Variants in CCDC39 observed in about 807,000 individuals in gnomAD.
The protein encoded by CCDC39 is coiled-coil domain-containing protein 39.
A neutral mutation model predicts 121.0 loss-of-function variants in CCDC39; 113 were observed. The observed-to-expected ratio is 0.93, with a 90% CI of 0.80 to 1.09. The LOEUF (loss-of-function observed/expected upper bound fraction) is 1.09. Among genes scored for constraint, CCDC39 ranks in the 50% least tolerant of loss-of-function variants. The pLI, the probability that CCDC39 is intolerant of heterozygous loss-of-function variation, is 0.00. For synonymous variants in CCDC39, 349 were observed against 352.2 expected (o/e 0.99, Z 0.10); for missense variants, 1,063 against 1,074.7 (o/e 0.99, Z 0.15).
At chr3:180,647,373 T>C in intron 10 of CCDC39, 130 bp from the exon 11 acceptor site, 1 of 719,088 alleles carries the variant, frequency 1.4e-6, no homozygotes, top group Non-Finnish European at 2.2e-6. Flanking sequence ...ACTTTAGTCT[T>C]TCAGTAATTC....
At chr3:180,654,666 G>T in intron 7 of CCDC39, 96 bp downstream of exon 7, 56 of 557,478 alleles carry the variant, frequency 1.0e-4, no homozygotes, top group Non-Finnish European at 1.2e-4. Context: ...AAAACTAGAA[G>T]TAGTTTCTTT....
chr3:180,632,792 G>GA (rs1717731293), intron 13 of CCDC39, among the ~76,000 whole-genome samples: 3 of 152,046 alleles, frequency 2.0e-5, no homozygotes, highest in Admixed American at 1.3e-4. Context: ...AAAGAAGTCT[G>GA]AAAAAAATCC....
chr3:180,625,076 A>G (rs1717526295), intron 14 of CCDC39, among the ~76,000 whole-genome samples: 1 of 152,070 alleles, frequency 6.6e-6, no homozygotes, highest in East Asian at 1.9e-4. Flanking sequence ...CTCTCTTACT[A>G]GACTTGAGAT....
At chr3:180,657,644 G>T (rs1013829767) in intron 6 of CCDC39, among the ~76,000 whole-genome samples, 3 of 152,160 alleles carry the variant, frequency 2.0e-5, no homozygotes, top group Admixed American at 6.5e-5. Context: ...TAATGCCTCA[G>T]CAGATACTAT....
At position 180,614,702 on chromosome 3, in the gene CCDC39, ATAAC is replaced by A; in HGVS notation, c.*215_*218del. On this transcript the variant is annotated 3_prime_UTR_variant, in exon 20 of 20. Transcript: ENST00000476379. ...AATACAGCATTTTTCCTATGCTTGT[ATAAC>A]ATGTAGCCTTGTCAAGAATCTGCTA... 9.1e-6 allele frequency: 4 copies of A among 438,964 alleles called. No individual in the cohort carries two copies. Among genetic ancestry groups the A allele is most frequent in the Non-Finnish European group, 1.6e-5 (4 of 250,632 alleles). The allele number at this position is 438,964 out of a possible 1,614,324, so 27.2% of individuals were successfully genotyped here.
At chr3:180,644,806 C>A (rs1365379799) in intron 11 of CCDC39, among the ~76,000 whole-genome samples, 1 of 152,066 alleles carries the variant, frequency 6.6e-6, no homozygotes, top group African/African-American at 2.4e-5. Flanking sequence ...ACCCATTTTT[C>A]TGAGTATTTT....
In CCDC39 at chr3:180,659,784, T is replaced by C; in HGVS notation, c.517-15A>G. The C allele has an allele frequency of 6.6e-7, 1 of 1,516,048 alleles. No individual in the cohort carries two copies. The highest frequency in any genetic ancestry group is 9.1e-7 in the Non-Finnish European group (1 of 1,098,968). The allele number at this position is 1,516,048 out of a possible 1,614,324, so 93.9% of individuals were successfully genotyped here. On this transcript the variant is annotated splice_polypyrimidine_tract_variant and intron_variant, in intron 4 of 19. Transcript: ENST00000476379. ...AGAGTCAGTGCCTATGATGTAATTATATACAGATACTTATAATTCTCATTC... is the reference window on the plus strand; with the variant it reads ...AGAGTCAGTGCCTATGATGTAATTACATACAGATACTTATAATTCTCATTC...
At chr3:180,677,736 CTT>C (rs1712276592) in intron 1 of CCDC39, among the ~76,000 whole-genome samples, 1 of 152,100 alleles carries the variant, frequency 6.6e-6, no homozygotes, top group African/African-American at 2.4e-5. Context: ...TCATTTTTCT[CTT>C]CTTTCTGTAT....
At position 180,626,757 on chromosome 3, in the gene CCDC39, C is replaced by G. The variant is rs911858179; in HGVS notation, c.1998+4712G>C. Among the ~76,000 whole-genome samples, 9 of 152,102 alleles carry G rather than the reference C, an allele frequency of 5.9e-5. No homozygotes were observed. The South Asian group carries it at 8.3e-4, about 14-fold the overall frequency. On this transcript the variant is annotated intron_variant, in intron 14 of 19. Transcript: ENST00000476379. ...AACAAGTTGTGAGGAGTGCAGTCTT[C>G]TCACACCTCCGTCTCACAACAGCCA...
At chr3:180,638,797 A>G (rs1019203634) in intron 13 of CCDC39, among the ~76,000 whole-genome samples, 5 of 152,124 alleles carry the variant, frequency 3.3e-5, no homozygotes, top group African/African-American at 1.2e-4. Flanking sequence ...TAAAATTAGA[A>G]TGTATACCTT....
At chr3:180,637,757 A>C (rs1194818307) in intron 13 of CCDC39, among the ~76,000 whole-genome samples, 1 of 152,134 alleles carries the variant, frequency 6.6e-6, no homozygotes, top group Non-Finnish European at 1.5e-5. Flanking sequence ...CATAAAAAAG[A>C]ATAAGATCTT....
intron 2 of CCDC39, among the ~76,000 whole-genome samples, chr3:180,662,459 C>T (rs1342755067): frequency 6.6e-6 from 1 of 152,040 alleles, no homozygotes; most frequent in African/African-American, 2.4e-5. Context: ...AATATATTAG[C>T]ATATAATCAC....
In CCDC39 at chr3:180,619,939, TC is replaced by T; in HGVS notation, c.2029del (p.Glu677LysfsTer19). ...AAQEKEELQR[E>X]GDCLDAKINK... ...GATCTTGGCATCCAAACAGTCACCT[TC>T]CCTTTGAAGTTCTTCTTTTTCTTGA... On this transcript the variant is annotated frameshift_variant, in exon 15 of 20. Coordinates refer to ENST00000476379, the MANE Select transcript of CCDC39 (RefSeq NM_181426.2). LOFTEE classifies it high-confidence loss of function. 6.2e-7 allele frequency: 1 copy of T among 1,608,732 alleles called. No individual in the cohort carries two copies. Among genetic ancestry groups the T allele is most frequent in the Non-Finnish European group, 8.5e-7 (1 of 1,177,352 alleles).
intron 4 of CCDC39, 69 bp downstream of exon 4, chr3:180,660,501 T>A: frequency 7.5e-7 from 1 of 1,331,698 alleles, no homozygotes; most frequent in Non-Finnish European, 1.0e-6. Context: ...TAAGTATAAC[T>A]TTAGGTAAAT....
chr3:180,619,265 GTCT>G lies in CCDC39; in HGVS notation c.2256_2258del (p.Glu752del). On this transcript the variant is annotated inframe_deletion, in exon 16 of 20. Coordinates refer to ENST00000476379, the MANE Select transcript of CCDC39 (RefSeq NM_181426.2). ...AAATGCCTGTAGAATTTACCTGGAT[GTCT>G]TCTTGAAGTTCTCTGATTTGTCTTT... The G allele has an allele frequency of 2.0e-6, 3 of 1,501,610 alleles. No homozygotes were observed. The highest frequency in any genetic ancestry group is 2.7e-6 in the Non-Finnish European group (3 of 1,102,388). 93.0% of individuals were successfully genotyped at this position (1,501,610 alleles called of 1,614,324 possible).
intron 13 of CCDC39, among the ~76,000 whole-genome samples, chr3:180,633,833 A>C (rs1576938240): frequency 6.6e-6 from 1 of 152,032 alleles, no homozygotes; most frequent in East Asian, 1.9e-4. Context: ...CTATCCCCTG[A>C]CTCTTCACCA....
chr3:180,661,221 G>C (rs1361094138), intron 3 of CCDC39, among the ~76,000 whole-genome samples: 3 of 151,712 alleles, frequency 2.0e-5, no homozygotes, highest in Non-Finnish European at 2.9e-5. Flanking sequence ...TAGTAAAAGA[G>C]ATAAAAACAT....
chr3:180,650,032 A>G (rs1439124675), intron 9 of CCDC39, among the ~76,000 whole-genome samples: 2 of 152,258 alleles, frequency 1.3e-5, no homozygotes, highest in East Asian at 1.9e-4. Context: ...AAATGGAGCC[A>G]GATGAGATAT....
intron 1 of CCDC39, among the ~76,000 whole-genome samples, chr3:180,668,489 T>C (rs1711948500): frequency 6.6e-6 from 1 of 152,192 alleles, no homozygotes; most frequent in Admixed American, 6.5e-5. Context: ...AGTTGTATAT[T>C]ATTATTCAGG....
Sources: allele counts gnomAD v4.1 joint callset (sites outside exome capture counted in the v4.1 genomes callset), GRCh38; gene constraint gnomAD v4.1.1; transcripts MANE v1.5; gene names NCBI Gene and HGNC (gene_info 2026-07-23, HGNC 2026-07-21).